PSMG1: variants seen among roughly 807,000 people sequenced by gnomAD.
PSMG1 encodes Down syndrome critical region gene 2.
In PSMG1, 23 loss-of-function variants were observed where a neutral mutation model predicts 37.2. The observed-to-expected ratio is 0.62, with a 90% CI of 0.44 to 0.88. The LOEUF is 0.88. PSMG1 is among the 40% of genes least tolerant of loss of function. The pLI is 0.00. For synonymous variants in PSMG1, 127 were observed against 128.0 expected (o/e 0.99, Z 0.05); for missense variants, 340 against 344.2 (o/e 0.99, Z 0.10).
In PSMG1 at chr21:39,175,573, C is replaced by CA. The variant is rs770325169; in HGVS notation, c.*16dup. 150 of 1,583,898 alleles carry CA rather than the reference C, an allele frequency of 9.5e-5. No homozygotes were observed. The highest frequency in any genetic ancestry group is 1.1e-4 in the Non-Finnish European group (130 of 1,153,608). Reference sequence around the variant, plus strand: ...AGGAATGGACAAGTAATATACACTACAAAACAATGTTTAAGATCATGTATA... The same window carrying CA: ...AGGAATGGACAAGTAATATACACTACAAAAACAATGTTTAAGATCATGTATA... On this transcript the variant is annotated 3_prime_UTR_variant, in exon 7 of 7. Transcript: ENST00000331573.
chr21:39,176,122 T>C (rs2030618166), intron 6 of PSMG1, among the ~76,000 whole-genome samples: 1 of 152,108 alleles, frequency 6.6e-6, no homozygotes, highest in Non-Finnish European at 1.5e-5. Context: ...ATACCACTTT[T>C]AAAAGGTCAG....
chr21:39,182,886 G>A (rs1210021987), intron 1 of PSMG1, among the ~76,000 whole-genome samples: 2 of 152,106 alleles, frequency 1.3e-5, no homozygotes, highest in African/African-American at 2.4e-5. Flanking sequence ...GAGCGCTGCG[G>A]CCCAAGACAG....
At chr21:39,182,238 A>G (rs751889068) in intron 1 of PSMG1, among the ~76,000 whole-genome samples, 20 of 152,200 alleles carry the variant, frequency 1.3e-4, no homozygotes, top group Non-Finnish European at 2.5e-4. Flanking sequence ...CAAGCCTCCA[A>G]ATGAACATTC....
In PSMG1 at chr21:39,183,430, C is replaced by G. The variant is rs774803695; in HGVS notation, c.-45G>C. 1.2e-5 allele frequency: 18 copies of G among 1,529,210 alleles called. No homozygotes were observed. The highest frequency in any genetic ancestry group is 1.6e-5 in the Non-Finnish European group (18 of 1,142,378). 94.7% of individuals were successfully genotyped at this position (1,529,210 alleles called of 1,614,324 possible). On this transcript the variant is annotated 5_prime_UTR_variant, in exon 1 of 7. Coordinates refer to ENST00000331573, the MANE Select transcript of PSMG1 (RefSeq NM_003720.4). ...GGACACAACTGCAGCGCCGCGGGACCGCACGCCGGCTTGCGCGAGACCACG... is the reference window on the plus strand; with the variant it reads ...GGACACAACTGCAGCGCCGCGGGACGGCACGCCGGCTTGCGCGAGACCACG...
intron 5 of PSMG1, 99 bp downstream of exon 5, chr21:39,178,350 T>C (rs2146406820): frequency 9.4e-7 from 1 of 1,063,906 alleles, no homozygotes; most frequent in South Asian, 1.5e-5. Flanking sequence ...TTGGTATCAA[T>C]CATCATTAAT....
chr21:39,183,166 GC>G, intron 1 of PSMG1, 85 bp downstream of exon 1: 2 of 1,405,698 alleles, frequency 1.4e-6, no homozygotes, highest in South Asian at 1.5e-5. Flanking sequence ...AGACCGCGGA[GC>G]CCCGGCCTTA....
In PSMG1 at chr21:39,178,505, G is replaced by A. The variant is rs774270699; in HGVS notation, c.599C>T (p.Ser200Leu). Residue 200 changes from serine (S) to leucine (L), a missense_variant, in exon 5 of 7, where the codon TCG becomes TTG. Physicochemically the swap from Ser to Leu is moderately radical, Grantham distance 145 (BLOSUM62 -2). Coordinates refer to ENST00000331573, the MANE Select transcript of PSMG1 (RefSeq NM_003720.4). ...RALKTQNFKD[S>L]ACCPLLEQPN... ...TTGTTCTAGCAATGGACAACACGCC[G>A]AGTCTTTGAAATTCTGTGTTTTTAG... 6.8e-6 allele frequency: 11 copies of A among 1,614,000 alleles called. No homozygotes were observed. Among genetic ancestry groups the A allele is most frequent in the East Asian group, 2.2e-5 (1 of 44,894 alleles).
At chr21:39,177,770 C>T (rs2030681670) in intron 5 of PSMG1, among the ~76,000 whole-genome samples, 199 bp from the exon 6 acceptor site, 1 of 152,112 alleles carries the variant, frequency 6.6e-6, no homozygotes, top group South Asian at 2.1e-4. Flanking sequence ...ATAATCTCTT[C>T]TTTTGCAAAT....
Position 39,183,445 on chromosome 21 carries a change from G to A in PSMG1, c.-60C>T. The stretch of plus-strand genomic sequence containing the variant: ...GCCGCGGGACCGCACGCCGGCTTGC[G>A]CGAGACCACGCTCCCTCACCGCGCG... On this transcript the variant is annotated 5_prime_UTR_variant, in exon 1 of 7. Transcript: ENST00000331573. 6.0e-6 allele frequency: 9 copies of A among 1,505,398 alleles called. No individual in the cohort carries two copies. The South Asian group carries it at 1.0e-4, about 17-fold the overall frequency. 93.3% of individuals were successfully genotyped at this position (1,505,398 alleles called of 1,614,324 possible).
rs1187169158 is a variant in PSMG1 at position 39,175,604 on chromosome 21, T to A, written c.853A>T (p.Asn285Tyr). The change falls in exon 7 of 7, where the codon AAC (asparagine) becomes TAC (tyrosine). Residue 285 changes from asparagine (N) to tyrosine (Y), a missense_variant. Coordinates refer to ENST00000331573, the MANE Select transcript of PSMG1 (RefSeq NM_003720.4). The part of the protein sequence containing the change: ...KLMTTNEIQS[N>Y]IYT ...AATGTTTAAGATCATGTATAAATGT[T>A]ACTCTGAATCTCATTTGTTGTCATC... 6.3e-7 allele frequency: 1 copy of A among 1,593,428 alleles called. No homozygotes were observed. The highest frequency in any genetic ancestry group is 2.2e-5 in the East Asian group (1 of 44,768).
At position 39,174,929 on chromosome 21, in the gene PSMG1, G is replaced by C. The variant is rs910663419; in HGVS notation, c.*661C>G. On this transcript the variant is annotated 3_prime_UTR_variant, in exon 7 of 7. Transcript: ENST00000331573. ...TATCTGTCAGATATTACTAAAAAGT[G>C]AGGACATACACATTTCTGTTTCATT... 1 of 152,150 alleles carries C rather than the reference G, an allele frequency of 6.6e-6. No homozygotes were observed. Among genetic ancestry groups the C allele is most frequent in the Non-Finnish European group, 1.5e-5 (1 of 68,028 alleles). The allele number at this position is 152,150 out of a possible 1,614,324, so 9.4% of individuals were successfully genotyped here.
chr21:39,179,058 G>C lies in PSMG1; in HGVS notation c.457-411C>G, dbSNP rs543837379. Among the ~76,000 whole-genome samples the C allele has an allele frequency of 4.6e-5, 7 of 152,192 alleles. No individual in the cohort carries two copies. The South Asian group carries it at 1.5e-3, about 32-fold the overall frequency. On this transcript the variant is annotated intron_variant, in intron 4 of 6. Coordinates refer to ENST00000331573, the MANE Select transcript of PSMG1 (RefSeq NM_003720.4). ...TCTCGCTCAGTTCATGCTAGAGCTG[G>C]TAGTTCAAAAGAGGCTGGCTCCTCC... is the stretch of plus-strand genomic sequence containing the variant.
Position 39,183,232 on chromosome 21 carries a change from C to T in PSMG1, c.134+20G>A. 1 of 1,568,126 alleles carries T rather than the reference C, an allele frequency of 6.4e-7. No homozygotes were observed. The highest frequency in any genetic ancestry group is 8.6e-7 in the Non-Finnish European group (1 of 1,160,762). On this transcript the variant is annotated intron_variant, in intron 1 of 6. Transcript: ENST00000331573. ...CCTTCCAGCTGCGGTGAGCGCGCTG[C>T]CCTTATCCCGGTGCCTCACCTCTTC...
At position 39,183,260 on chromosome 21, in the gene PSMG1, C is replaced by A; in HGVS notation, c.126G>T (p.Ala42=). Residue 42 remains alanine (A), a synonymous_variant, in exon 1 of 7, where the codon GCG becomes GCT. Coordinates refer to ENST00000331573, the MANE Select transcript of PSMG1 (RefSeq NM_003720.4). The part of the protein sequence containing the change: ...PEDREVRLQL[A]RKREVRLLRR... ...TTATCCCGGTGCCTCACCTCTTCCG[C>A]GCCAGCTGCAGACGCACCTCCCTGT... The A allele has an allele frequency of 1.3e-6, 2 of 1,583,408 alleles. No homozygotes were observed. Among genetic ancestry groups the A allele is most frequent in the Non-Finnish European group, 1.7e-6 (2 of 1,168,798 alleles).
chr21:39,175,447 T>C lies in PSMG1; in HGVS notation c.*143A>G, dbSNP rs2030590634. Reference sequence around the variant, plus strand: ...AATAATACCACCATAAATAAGGAATTAAAACTACAATTAATTTTTTACAAT... The same window carrying C: ...AATAATACCACCATAAATAAGGAATCAAAACTACAATTAATTTTTTACAAT... On this transcript the variant is annotated 3_prime_UTR_variant, in exon 7 of 7. Coordinates refer to ENST00000331573, the MANE Select transcript of PSMG1 (RefSeq NM_003720.4). The C allele has an allele frequency of 8.0e-7, 1 of 1,256,578 alleles. No homozygotes were observed. The allele number at this position is 1,256,578 out of a possible 1,614,324, so 77.8% of individuals were successfully genotyped here. A position where few individuals can be genotyped will look rare whatever the true frequency, so the allele number is the denominator to read the frequency against.
intron 4 of PSMG1, among the ~76,000 whole-genome samples, chr21:39,179,018 A>G (rs1372152831): frequency 6.6e-6 from 1 of 152,160 alleles, no homozygotes; most frequent in Non-Finnish European, 1.5e-5. Context: ...TGTTGGTGAT[A>G]CGTGACTTCT....
At position 39,175,352 on chromosome 21, in the gene PSMG1, A is replaced by G. The variant is rs2030589210; in HGVS notation, c.*238T>C. 7.4e-6 allele frequency: 2 copies of G among 271,926 alleles called. No individual in the cohort carries two copies. Among genetic ancestry groups the G allele is most frequent in the African/African-American group, 4.5e-5 (2 of 44,676 alleles). The allele number at this position is 271,926 out of a possible 1,614,324, so 16.8% of individuals were successfully genotyped here. On this transcript the variant is annotated 3_prime_UTR_variant, in exon 7 of 7. Coordinates refer to ENST00000331573, the MANE Select transcript of PSMG1 (RefSeq NM_003720.4). ...GATAAAAATTTAACTATAGTACCTT[A>G]AAATATTCAAATACAACAATACTCC...
At chr21:39,181,431 C>T (rs2030824304) in intron 2 of PSMG1, among the ~76,000 whole-genome samples, 1 of 151,836 alleles carries the variant, frequency 6.6e-6, no homozygotes, top group Non-Finnish European at 1.5e-5. Flanking sequence ...CCACTGCACC[C>T]AGCCTAAATC....
At chr21:39,176,275 C>A (rs1427830982) in intron 6 of PSMG1, among the ~76,000 whole-genome samples, 1 of 152,174 alleles carries the variant, frequency 6.6e-6, no homozygotes, top group Non-Finnish European at 1.5e-5. Flanking sequence ...AAAGTATATT[C>A]ATAAAAGCTG....
Sources: gnomAD v4.1 joint callset for allele counts (sites outside exome capture counted in the v4.1 genomes callset) on GRCh38, gnomAD v4.1.1 for gene constraint, MANE v1.5 for transcripts, NCBI Gene and HGNC (gene_info 2026-07-23, HGNC 2026-07-21) for gene names.